Variants in TTC29 observed in about 807,000 individuals in gnomAD.
TTC29 encodes the protein tetratricopeptide repeat protein 29.
Under a neutral mutation model 58.1 loss-of-function variants are expected in TTC29, and 49 were observed. That is an observed-to-expected ratio of 0.84 (90% CI 0.67 to 1.07). TTC29 has a LOEUF of 1.07. TTC29 is among the 50% of genes least tolerant of loss of function. The probability of loss-of-function intolerance (pLI) is 0.00; values close to 1 mark genes in which losing one functional copy is unlikely to be tolerated. For missense variants in TTC29, 582 were observed against 555.6 expected, an observed-to-expected ratio of 1.05 and a Z score of -0.48; for synonymous variants, 209 against 196.8, an observed-to-expected ratio of 1.06 and a Z score of -0.52.
At chr4:146,835,532 A>G (rs1160926127) in intron 8 of TTC29, among the ~76,000 whole-genome samples, 2 of 152,082 alleles carry the variant, frequency 1.3e-5, no homozygotes, top group Admixed American at 6.6e-5. Flanking sequence ...AAAATAGTTC[A>G]TTTGTTTTTT....
chr4:146,922,810 C>T (rs1193146705), intron 4 of TTC29, among the ~76,000 whole-genome samples: 2 of 151,680 alleles, frequency 1.3e-5, no homozygotes, highest in East Asian at 1.9e-4. Flanking sequence ...ATAGAAGAGG[C>T]TTTAACATTA....
At chr4:146,811,154 TAGTC>T (rs1165982361) in intron 10 of TTC29, among the ~76,000 whole-genome samples, 1 of 152,188 alleles carries the variant, frequency 6.6e-6, no homozygotes, top group Non-Finnish European at 1.5e-5. Flanking sequence ...TGTTGTTTGT[TAGTC>T]AGTGTCACCT....
chr4:146,859,675 G>T (rs1239491653), intron 8 of TTC29, among the ~76,000 whole-genome samples: 1 of 152,108 alleles, frequency 6.6e-6, no homozygotes, highest in East Asian at 1.9e-4. Flanking sequence ...AAAGAAGGCA[G>T]GAGAGAGAAG....
chr4:146,825,407 C>T (rs181213452), intron 9 of TTC29, among the ~76,000 whole-genome samples: 24 of 152,228 alleles, frequency 1.6e-4, no homozygotes, highest in Non-Finnish European at 2.6e-4. Flanking sequence ...TGTAATTTTG[C>T]AGTTTTGAGT....
chr4:146,782,248 A>G (rs1748671391), intron 11 of TTC29, among the ~76,000 whole-genome samples: 1 of 151,740 alleles, frequency 6.6e-6, no homozygotes, highest in South Asian at 2.1e-4. Context: ...GTCTTCTACT[A>G]GTCCCTTCTC....
intron 12 of TTC29, 135 bp downstream of exon 12, chr4:146,707,350 T>A: frequency 1.3e-6 from 1 of 787,994 alleles, no homozygotes. Flanking sequence ...TGATTTTTTT[T>A]AAAGCAGTGT....
rs574343015 is a variant in TTC29 at position 146,875,087 on chromosome 4, T to C, written c.587-159A>G. 4.6e-5 allele frequency among the ~76,000 whole-genome samples: 7 copies of C among 152,266 alleles called. No individual in the cohort carries two copies. The South Asian group carries it at 1.4e-3, about 32-fold the overall frequency. On this transcript the variant is annotated intron_variant, in intron 6 of 12. Coordinates refer to ENST00000325106, the MANE Select transcript of TTC29 (RefSeq NM_031956.4). ...ATGAATTAAACTGGGAAAGGAGTGA[T>C]CTCTAATTGGACCTCAGTTTCAGCG...
At chr4:146,718,783 G>A (rs1490164739) in intron 11 of TTC29, among the ~76,000 whole-genome samples, 1 of 152,054 alleles carries the variant, frequency 6.6e-6, no homozygotes, top group Non-Finnish European at 1.5e-5. Flanking sequence ...TTATTGCCTA[G>A]ACCAACGACA....
At chr4:146,763,806 A>G (rs1350352266) in intron 11 of TTC29, 2 of 152,134 alleles carry the variant, frequency 1.3e-5, no homozygotes, top group Non-Finnish European at 1.5e-5. Context: ...CAAACTTGCT[A>G]CACTTACAGA....
chr4:146,794,381 T>C (rs1749684276), intron 11 of TTC29, among the ~76,000 whole-genome samples: 1 of 152,134 alleles, frequency 6.6e-6, no homozygotes, highest in African/African-American at 2.4e-5. Flanking sequence ...AGAAGGAAAT[T>C]AGTAGCTAAA....
In TTC29 at chr4:146,803,522, G is replaced by A; in HGVS notation, c.1265C>T (p.Thr422Ile). ...CCATGACAGCAGGTAGTTGAGGCTG[G>A]TGAGATCTGCAGACTCTATATAGTT... ...VNNYIESADLTSLNYLLSWKE... is the reference protein window; with the variant it reads ...VNNYIESADLISLNYLLSWKE... Residue 422 changes from threonine to isoleucine, a missense_variant, in exon 11 of 13, where the codon ACC (threonine) becomes ATC (isoleucine). Thr to Ile is a moderately conservative substitution (Grantham distance 89). Transcript: ENST00000325106. 1 of 1,601,708 alleles carries A rather than the reference G, an allele frequency of 6.2e-7. No homozygotes were observed. The highest frequency in any genetic ancestry group is 1.1e-5 in the South Asian group (1 of 88,770).
chr4:146,787,923 C>T (rs1307175749), intron 11 of TTC29, among the ~76,000 whole-genome samples: 1 of 151,350 alleles, frequency 6.6e-6, no homozygotes, highest in African/African-American at 2.4e-5. Context: ...GAGTTCATTG[C>T]TCACTGCAGT....
intron 6 of TTC29, among the ~76,000 whole-genome samples, chr4:146,886,288 G>C (rs75782933): frequency 0.051 from 7,827 of 152,088 alleles, 276 homozygotes; most frequent in South Asian, 0.14. Flanking sequence ...TTGTTGAACA[G>C]CCCAATTCAT....
chr4:146,934,386 T>C (rs1013445575), intron 4 of TTC29: 1 of 152,228 alleles, frequency 6.6e-6, no homozygotes, highest in Non-Finnish European at 1.5e-5. Flanking sequence ...GAGGAAAGGC[T>C]GTGGGACGAA....
chr4:146,909,145 A>G lies in TTC29; in HGVS notation c.281T>C (p.Leu94Pro), dbSNP rs35123039. 71,102 of 1,613,764 alleles carry G rather than the reference A, an allele frequency of 0.044. 1,976 individuals carry two copies. Among genetic ancestry groups the G allele is most frequent in the Non-Finnish European group, 0.049 (58,230 of 1,179,828 alleles). ...LFALMERWDA[L>P]REAARVRSLF... is the part of the protein sequence containing the mutation. ...GGACCTGACTCTCGCAGCCTCCCTCAGGGCATCCCACCGCTCCATCAGAGC... is the reference window on the plus strand; with the variant it reads ...GGACCTGACTCTCGCAGCCTCCCTCGGGGCATCCCACCGCTCCATCAGAGC... The change falls in exon 5 of 13, where the codon CTG becomes CCG. Residue 94 changes from leucine (L) to proline (P), a missense_variant. Transcript: ENST00000325106.
intron 6 of TTC29, among the ~76,000 whole-genome samples, chr4:146,878,959 C>A (rs1223299877): frequency 6.6e-6 from 1 of 152,134 alleles, no homozygotes; most frequent in Non-Finnish European, 1.5e-5. Context: ...TTCATGGTTT[C>A]ATTTCCCCTT....
intron 9 of TTC29, among the ~76,000 whole-genome samples, chr4:146,826,599 T>A (rs1263552594): frequency 6.6e-6 from 1 of 152,124 alleles, no homozygotes; most frequent in East Asian, 1.9e-4. Context: ...GGGTTTGATC[T>A]TCTCATGGAG....
chr4:146,802,196 C>G (rs935054113), intron 11 of TTC29, among the ~76,000 whole-genome samples: 1 of 151,820 alleles, frequency 6.6e-6, no homozygotes. Flanking sequence ...AATAAGTAAT[C>G]TAATATAGGT....
At chr4:146,868,410 G>C (rs1014857597) in intron 7 of TTC29, among the ~76,000 whole-genome samples, 1 of 152,040 alleles carries the variant, frequency 6.6e-6, no homozygotes, top group Non-Finnish European at 1.5e-5. Flanking sequence ...GAATAGGTGA[G>C]AGTAACTGAC....
Sources: allele counts gnomAD v4.1 joint callset (sites outside exome capture counted in the v4.1 genomes callset), GRCh38; gene constraint gnomAD v4.1.1; transcripts MANE v1.5; gene names NCBI Gene and HGNC (gene_info 2026-07-23, HGNC 2026-07-21).